Variants in CNTN3 observed in about 807,000 individuals in gnomAD.
The protein encoded by CNTN3 is contactin 3.
A neutral mutation model predicts 119.1 loss-of-function variants in CNTN3; 60 were observed. The ratio of observed to expected loss-of-function variants is 0.50; its 90% CI spans 0.41 to 0.62. CNTN3 has a LOEUF of 0.62. CNTN3 is among the 20% of genes least tolerant of loss of function. The pLI is 0.00. For missense variants in CNTN3, 1,101 were observed against 1,242.4 expected (o/e 0.89, Z 1.71); for synonymous variants, 450 against 438.7 (o/e 1.03, Z -0.32).
intron 1 of CNTN3, among the ~76,000 whole-genome samples, chr3:74,557,314 T>G (rs1038571536): frequency 6.6e-6 from 1 of 152,164 alleles, no homozygotes; most frequent in African/African-American, 2.4e-5. Flanking sequence ...ATTTGGTAAA[T>G]AGTGTGAGGT....
intron 4 of CNTN3, among the ~76,000 whole-genome samples, chr3:74,436,774 T>A (rs555494254): frequency 6.6e-6 from 1 of 152,340 alleles, no homozygotes; most frequent in Non-Finnish European, 1.5e-5. Flanking sequence ...AAAATCTTCA[T>A]TCTGTTTATT....
At chr3:74,359,228 CAACA>C (rs758272741) in intron 11 of CNTN3, among the ~76,000 whole-genome samples, 24 of 151,952 alleles carry the variant, frequency 1.6e-4, no homozygotes, top group Non-Finnish European at 2.6e-4. Context: ...AACGGCCAAC[CAACA>C]AACAAAAAAA....
intron 5 of CNTN3, among the ~76,000 whole-genome samples, chr3:74,394,048 C>A (rs1234823626): frequency 6.6e-6 from 1 of 152,108 alleles, no homozygotes; most frequent in African/African-American, 2.4e-5. Context: ...GCTTGTTCCT[C>A]ATGGGAAAAG....
At chr3:74,556,102 A>T (rs1373410460) in intron 1 of CNTN3, among the ~76,000 whole-genome samples, 1 of 152,088 alleles carries the variant, frequency 6.6e-6, no homozygotes, top group African/African-American at 2.4e-5. Context: ...TTGTCTTCTT[A>T]TTATGGTGAT....
At chr3:74,551,679 T>C (rs1363144518) in intron 1 of CNTN3, among the ~76,000 whole-genome samples, 1 of 151,846 alleles carries the variant, frequency 6.6e-6, no homozygotes, top group Non-Finnish European at 1.5e-5. Context: ...ACTGTCTATA[T>C]AGTTTTGTGT....
At chr3:74,426,222 C>A (rs1374128671) in intron 4 of CNTN3, among the ~76,000 whole-genome samples, 1 of 151,852 alleles carries the variant, frequency 6.6e-6, no homozygotes, top group Non-Finnish European at 1.5e-5. Flanking sequence ...ATAAAAAATG[C>A]CTGTGAAGAA....
chr3:74,469,667 T>C (rs1320557260), intron 4 of CNTN3, among the ~76,000 whole-genome samples: 1 of 152,124 alleles, frequency 6.6e-6, no homozygotes, highest in Non-Finnish European at 1.5e-5. Flanking sequence ...TCGTACCCAC[T>C]AGGATGGTTA....
intron 3 of CNTN3, among the ~76,000 whole-genome samples, chr3:74,492,461 C>A (rs1702982101): frequency 1.3e-5 from 2 of 152,090 alleles, no homozygotes; most frequent in South Asian, 4.1e-4. Context: ...AGAACTGGAC[C>A]AAGCCTAATA....
At chr3:74,386,313 G>A (rs980679123) in intron 5 of CNTN3, among the ~76,000 whole-genome samples, 1 of 152,084 alleles carries the variant, frequency 6.6e-6, no homozygotes. Context: ...GAATGTCTAG[G>A]GTAGTGATTA....
intron 2 of CNTN3, among the ~76,000 whole-genome samples, chr3:74,504,944 G>C (rs1703227702): frequency 6.6e-6 from 1 of 152,132 alleles, no homozygotes; most frequent in Admixed American, 6.6e-5. Context: ...GGGGCTGAAA[G>C]TCTGTATCAA....
At chr3:74,582,312 A>T (rs534860830) in intron 1 of CNTN3, among the ~76,000 whole-genome samples, 1 of 152,142 alleles carries the variant, frequency 6.6e-6, no homozygotes, top group South Asian at 2.1e-4. Context: ...AGGCTGAGGC[A>T]GGAGAACGGC....
rs533956136 is a variant in CNTN3 at position 74,411,613 on chromosome 3, T to C, written c.454+13232A>G. On this transcript the variant is annotated intron_variant, in intron 5 of 22. Coordinates refer to ENST00000263665, the MANE Select transcript of CNTN3 (RefSeq NM_020872.3). ...TACTTTTCCATGGGGCCTATTACCA[T>C]TCTGCAAGAATACAGTCTGAAAATG... Among the ~76,000 whole-genome samples, 6 of 152,338 alleles carry C rather than the reference T, an allele frequency of 3.9e-5. No individual in the cohort carries two copies. In the South Asian group the frequency reaches 1.2e-3, roughly 32 times the overall value.
At chr3:74,484,618 T>C (rs980537271) in intron 4 of CNTN3, among the ~76,000 whole-genome samples, 29 of 152,188 alleles carry the variant, frequency 1.9e-4, no homozygotes, top group Admixed American at 1.2e-3. Flanking sequence ...CTTAGCTATA[T>C]GCTGGAAATC....
intron 4 of CNTN3, among the ~76,000 whole-genome samples, chr3:74,449,639 C>A (rs1187819499): frequency 6.6e-6 from 1 of 151,952 alleles, no homozygotes; most frequent in Non-Finnish European, 1.5e-5. Flanking sequence ...CTGCAGAAAG[C>A]GGTAATTTAT....
At chr3:74,563,433 CATTATT>C (rs1196347311) in intron 1 of CNTN3, among the ~76,000 whole-genome samples, 1 of 151,998 alleles carries the variant, frequency 6.6e-6, no homozygotes, top group Non-Finnish European at 1.5e-5. Flanking sequence ...TTTTTCATTC[CATTATT>C]ATTATTAATA....
chr3:74,352,428 A>G (rs1032177023), intron 11 of CNTN3, among the ~76,000 whole-genome samples: 1 of 152,156 alleles, frequency 6.6e-6, no homozygotes, highest in Admixed American at 6.5e-5. Flanking sequence ...AGCCAGTCCT[A>G]GTTTACATGT....
At chr3:74,590,367 A>G (rs1364123352) in intron 1 of CNTN3, among the ~76,000 whole-genome samples, 1 of 152,036 alleles carries the variant, frequency 6.6e-6, no homozygotes, top group East Asian at 1.9e-4. Context: ...CAGATGCCCA[A>G]CTATCACAAG....
intron 4 of CNTN3, among the ~76,000 whole-genome samples, chr3:74,465,908 G>A (rs1187798060): frequency 1.3e-5 from 2 of 152,092 alleles, no homozygotes; most frequent in African/African-American, 4.8e-5. Context: ...CCCAGAATGA[G>A]GCCAATAGAG....
intron 8 of CNTN3, among the ~76,000 whole-genome samples, chr3:74,365,970 G>T (rs962549249): frequency 6.6e-6 from 1 of 152,002 alleles, no homozygotes; most frequent in Non-Finnish European, 1.5e-5. Context: ...TCAAAATTCT[G>T]AGCACTGTAC....
Sources: gnomAD v4.1 joint callset for allele counts (sites outside exome capture counted in the v4.1 genomes callset) on GRCh38, gnomAD v4.1.1 for gene constraint, MANE v1.5 for transcripts, NCBI Gene and HGNC (gene_info 2026-07-23, HGNC 2026-07-21) for gene names.